MELK: variants seen among roughly 807,000 people sequenced by gnomAD.
MELK encodes pEg3 kinase.
A neutral mutation model predicts 85.0 loss-of-function variants in MELK; 81 were observed. That is an observed-to-expected ratio of 0.95 (90% CI 0.80 to 1.15). MELK has a LOEUF of 1.15. Among genes scored for constraint, MELK ranks in the 50% most tolerant of loss-of-function variants. The probability of loss-of-function intolerance (pLI) is 0.00; values close to 1 mark genes in which losing one functional copy is unlikely to be tolerated. For synonymous variants in MELK, 252 were observed against 265.0 expected (o/e 0.95, Z 0.48); for missense variants, 754 against 777.5 (o/e 0.97, Z 0.36).
chr9:36,601,400 A>AATTT (rs1487371876), intron 7 of MELK, among the ~76,000 whole-genome samples: 1 of 152,076 alleles, frequency 6.6e-6, no homozygotes, highest in Non-Finnish European at 1.5e-5. Flanking sequence ...CATCAATTTG[A>AATTT]ATTTATTTAA....
intron 1 of MELK, among the ~76,000 whole-genome samples, chr9:36,578,523 TG>T (rs1231895618): frequency 1.3e-5 from 2 of 152,190 alleles, no homozygotes; most frequent in Non-Finnish European, 2.9e-5. Context: ...TTGAGAATTT[TG>T]GGTAGTCTCA....
intron 8 of MELK, among the ~76,000 whole-genome samples, chr9:36,615,644 G>A (rs1423158973): frequency 6.0e-5 from 8 of 132,958 alleles, no homozygotes; most frequent in East Asian, 2.1e-4. Flanking sequence ...CAGACGGGGC[G>A]GCCGGGCAGA....
chr9:36,589,402 C>T (rs775288257), intron 3 of MELK, 134 bp from the exon 4 acceptor site: 4 of 644,726 alleles, frequency 6.2e-6, no homozygotes, highest in Non-Finnish European at 1.1e-5. Context: ...CCCGCCTCGG[C>T]CTCCCAAAGT....
intron 13 of MELK, among the ~76,000 whole-genome samples, chr9:36,658,387 ATTCT>A (rs931619210): frequency 6.6e-6 from 1 of 151,952 alleles, no homozygotes; most frequent in African/African-American, 2.4e-5. Flanking sequence ...AAAGTTTCAG[ATTCT>A]TTCTTCTGCT....
rs548501649 is a variant in MELK at position 36,599,265 on chromosome 9, C to T, written c.475-129C>T. 19 of 540,524 alleles carry T rather than the reference C, an allele frequency of 3.5e-5. 1 individual carries two copies. Among genetic ancestry groups the T allele is most frequent in the South Asian group, 3.2e-4 (15 of 46,682 alleles). 33.5% of individuals were successfully genotyped at this position (540,524 alleles called of 1,614,324 possible). A position where few individuals can be genotyped will look rare whatever the true frequency, so the allele number is the denominator to read the frequency against. On this transcript the variant is annotated intron_variant, in intron 6 of 17. Transcript: ENST00000298048. ...GCAGTGAGCCGAGATTGCGCCATTGCACTCCAGCCTGGGTGACAGAGTGAG... is the reference window on the plus strand; with the variant it reads ...GCAGTGAGCCGAGATTGCGCCATTGTACTCCAGCCTGGGTGACAGAGTGAG...
At chr9:36,656,269 A>C (rs560203680) in intron 12 of MELK, among the ~76,000 whole-genome samples, 1 of 152,324 alleles carries the variant, frequency 6.6e-6, no homozygotes, top group South Asian at 2.1e-4. Flanking sequence ...TTTCCCCTCC[A>C]TCTTCTACTT....
chr9:36,657,816 C>T (rs1831405134), intron 13 of MELK, among the ~76,000 whole-genome samples: 1 of 152,154 alleles, frequency 6.6e-6, no homozygotes, highest in African/African-American at 2.4e-5. Context: ...CTCCTGACCT[C>T]AGGTGATCCA....
At chr9:36,626,229 A>G (rs1295874057) in intron 8 of MELK, among the ~76,000 whole-genome samples, 3 of 152,186 alleles carry the variant, frequency 2.0e-5, no homozygotes, top group Non-Finnish European at 4.4e-5. Context: ...TTGAAGCATG[A>G]CAAGATAACG....
intron 8 of MELK, among the ~76,000 whole-genome samples, chr9:36,619,206 G>A (rs1473970217): frequency 2.0e-5 from 3 of 152,104 alleles, no homozygotes; most frequent in African/African-American, 4.8e-5. Flanking sequence ...TGATTCACCT[G>A]CCTCAGCCTC....
chr9:36,593,907 C>G (rs777159131), intron 4 of MELK, among the ~76,000 whole-genome samples: 15 of 152,110 alleles, frequency 9.9e-5, no homozygotes, highest in Non-Finnish European at 2.1e-4. Context: ...GTCTCGAACT[C>G]CTGATCCACC....
intron 8 of MELK, among the ~76,000 whole-genome samples, chr9:36,611,222 G>T (rs1047264089): frequency 6.6e-6 from 1 of 152,190 alleles, no homozygotes; most frequent in Non-Finnish European, 1.5e-5. Flanking sequence ...TAAGCTGACA[G>T]ATTTCTCCAA....
chr9:36,645,510 A>G (rs1414744048), intron 11 of MELK, among the ~76,000 whole-genome samples: 2 of 152,174 alleles, frequency 1.3e-5, no homozygotes, highest in African/African-American at 4.8e-5. Flanking sequence ...TCAAGAATGT[A>G]GTGAGGAAAG....
intron 12 of MELK, among the ~76,000 whole-genome samples, chr9:36,656,490 C>T (rs1041956208): frequency 1.3e-5 from 2 of 152,124 alleles, no homozygotes; most frequent in African/African-American, 2.4e-5. Context: ...ATAGTGTCTC[C>T]TATTCATTTT....
chr9:36,674,975 A>G (rs1285544572), intron 17 of MELK, 38 bp downstream of exon 17: 2 of 1,460,588 alleles, frequency 1.4e-6, no homozygotes, highest in African/African-American at 1.4e-5. Context: ...ATTTATTAGT[A>G]TCTTTTGGAC....
chr9:36,634,612 CAGA>C (rs1828939013), intron 10 of MELK, among the ~76,000 whole-genome samples: 1 of 152,074 alleles, frequency 6.6e-6, no homozygotes, highest in African/African-American at 2.4e-5. Flanking sequence ...GAGGCTGAGG[CAGA>C]AGAATTGCTT....
intron 15 of MELK, among the ~76,000 whole-genome samples, chr9:36,670,672 A>G (rs893386162): frequency 1.3e-5 from 2 of 151,824 alleles, no homozygotes; most frequent in Non-Finnish European, 2.9e-5. Context: ...AATATGAACA[A>G]TTGTTGAATC....
intron 3 of MELK, among the ~76,000 whole-genome samples, chr9:36,588,185 T>C (rs1438038738): frequency 6.7e-6 from 1 of 149,360 alleles, no homozygotes. Flanking sequence ...GCCTCCAGAG[T>C]AGCTGGGATT....
rs576362266 is a variant in MELK, at chr9:36,631,633, T to A, written c.735+1266T>A. On this transcript the variant is annotated intron_variant, in intron 9 of 17. Coordinates refer to ENST00000298048, the MANE Select transcript of MELK (RefSeq NM_014791.4). ...CTCTGTCGCCCAGGCTGGAGTGCAGTCATATGATCTTGGCCCACTACAGCC... is the reference window on the plus strand; with the variant it reads ...CTCTGTCGCCCAGGCTGGAGTGCAGACATATGATCTTGGCCCACTACAGCC... 2.6e-4 allele frequency among the ~76,000 whole-genome samples: 40 copies of A among 152,102 alleles called. No individual in the cohort carries two copies. In the South Asian group the frequency reaches 7.1e-3, roughly 27 times the overall value.
At chr9:36,624,524 C>T (rs1166674884) in intron 8 of MELK, among the ~76,000 whole-genome samples, 17 of 152,202 alleles carry the variant, frequency 1.1e-4, no homozygotes, top group Admixed American at 1.0e-3. Context: ...TTCTCATTCA[C>T]TTGTTTTCTC....
Sources: gnomAD v4.1 joint callset for allele counts (sites outside exome capture counted in the v4.1 genomes callset) on GRCh38, gnomAD v4.1.1 for gene constraint, MANE v1.5 for transcripts, NCBI Gene and HGNC (gene_info 2026-07-23, HGNC 2026-07-21) for gene names.